ZNF672: variants seen among roughly 807,000 people sequenced by gnomAD.
ZNF672 encodes zinc finger protein 672, also known as hypothetical protein FLJ22301.
For missense variants in ZNF672, 733 were observed against 701.1 expected (o/e 1.05, Z -0.51); for synonymous variants, 358 against 305.6 (o/e 1.17, Z -1.79).
rs1162666339 is a variant in ZNF672, at chr1:248,847,515, C to T, written c.241C>T (p.His81Tyr). The change falls in exon 4 of 4, where the codon CAC becomes TAC. Residue 81 changes from histidine (H) to tyrosine (Y), a missense_variant. His to Tyr is a moderately conservative substitution (Grantham distance 83). Transcript: ENST00000306562. ...CAGTGAGTGCGGACAAAGCTTCCGC[C>T]ACAGCGGCCGTCTTGACCTACACTT... Reference protein sequence around the residue: ...ICSECGQSFRHSGRLDLHLGA... With the variant: ...ICSECGQSFRYSGRLDLHLGA... 3.1e-6 allele frequency: 5 copies of T among 1,597,982 alleles called. No homozygotes were observed. In the African/African-American group the frequency reaches 5.4e-5, roughly 17 times the overall value.
In ZNF672 at chr1:248,848,931, G is replaced by A. The variant is rs965489499; in HGVS notation, c.*298G>A. Reference sequence around the variant, plus strand: ...TGTGTGCAAGAGCCCAGGTGTTGGTGTGTCCCTTTAATGCTACTGTGCTCT... The same window carrying A: ...TGTGTGCAAGAGCCCAGGTGTTGGTATGTCCCTTTAATGCTACTGTGCTCT... On this transcript the variant is annotated 3_prime_UTR_variant, in exon 4 of 4. Coordinates refer to ENST00000306562, the MANE Select transcript of ZNF672 (RefSeq NM_024836.3). 27 of 665,620 alleles carry A rather than the reference G, an allele frequency of 4.1e-5. No homozygotes were observed. The Admixed American group carries it at 4.3e-4, about 11-fold the overall frequency. 41.2% of individuals were successfully genotyped at this position (665,620 alleles called of 1,614,324 possible). A position where few individuals can be genotyped will look rare whatever the true frequency, so the allele number is the denominator to read the frequency against.
intron 1 of ZNF672, among the ~76,000 whole-genome samples, chr1:248,844,282 T>G (rs1056524146): frequency 6.6e-6 from 1 of 152,192 alleles, no homozygotes; most frequent in African/African-American, 2.4e-5. Context: ...CTTATATACT[T>G]TATTCAACAA....
rs753468426 is a variant in ZNF672 at position 248,847,756 on chromosome 1, C to T, written c.482C>T (p.Pro161Leu). Residue 161 changes from proline (P) to leucine (L), a missense_variant, in exon 4 of 4, where the codon CCA becomes CTA. By Grantham distance (98) the Pro-to-Leu change is moderately conservative. Transcript: ENST00000306562. ...GGGACAACCTCTGACCCTGCTGCCCCACCCCACCGCTGCGCGCAGTGCCCG... is the reference window on the plus strand; with the variant it reads ...GGGACAACCTCTGACCCTGCTGCCCTACCCCACCGCTGCGCGCAGTGCCCG... ...PLGTTSDPAAPPHRCAQCPRA... is the reference protein window; with the variant it reads ...PLGTTSDPAALPHRCAQCPRA... 519 of 1,487,834 alleles carry T rather than the reference C, an allele frequency of 3.5e-4. 1 individual carries two copies. Among genetic ancestry groups the T allele is most frequent in the Admixed American group, 9.8e-4 (44 of 44,936 alleles). The allele number at this position is 1,487,834 out of a possible 1,614,324, so 92.2% of individuals were successfully genotyped here.
rs1284338933 is a variant in ZNF672, at chr1:248,847,136, A to G, written c.-139A>G. The G allele has an allele frequency of 4.2e-6, 5 of 1,177,612 alleles. No individual in the cohort carries two copies. The highest frequency in any genetic ancestry group is 4.7e-6 in the Non-Finnish European group (4 of 857,964). The allele number at this position is 1,177,612 out of a possible 1,614,324, so 72.9% of individuals were successfully genotyped here. A position where few individuals can be genotyped will look rare whatever the true frequency, so the allele number is the denominator to read the frequency against. On this transcript the variant is annotated 5_prime_UTR_variant, in exon 4 of 4. Transcript: ENST00000306562. Reference sequence around the variant, plus strand: ...CCTTAGAGAAGAACCCTGAAATCAGACCAGTTTTTGCGGCCTCCCCCTTTC... The same window carrying G: ...CCTTAGAGAAGAACCCTGAAATCAGGCCAGTTTTTGCGGCCTCCCCCTTTC...
At chr1:248,838,877 A>G (rs1043530419) in intron 1 of ZNF672, 2 of 152,186 alleles carry the variant, frequency 1.3e-5, no homozygotes, top group Non-Finnish European at 2.9e-5. Context: ...TGGCAGCGTT[A>G]AACGTTCCCC....
chr1:248,847,703 C>G lies in ZNF672; in HGVS notation c.429C>G (p.Leu143=), dbSNP rs1659199160. 1.4e-6 allele frequency: 2 copies of G among 1,461,700 alleles called. No homozygotes were observed. Among genetic ancestry groups the G allele is most frequent in the East Asian group, 2.6e-5 (1 of 39,162 alleles). The allele number at this position is 1,461,700 out of a possible 1,614,324, so 90.5% of individuals were successfully genotyped here. Residue 143 remains leucine, a synonymous_variant, in exon 4 of 4, where the codon CTC becomes CTG. Transcript: ENST00000306562. ...CARTFRQSAL[L]FHQARAHPLG... ...GCACCTTCCGGCAGAGCGCGCTGCT[C>G]TTCCACCAGGCGCGGGCGCACCCCT... is the stretch of plus-strand genomic sequence containing the variant.
In ZNF672 at chr1:248,848,802, CTA is replaced by C. The variant is rs2103031835; in HGVS notation, c.*170_*171del. The C allele has an allele frequency of 2.1e-6, 2 of 972,914 alleles. No individual in the cohort carries two copies. The highest frequency in any genetic ancestry group is 3.2e-5 in the African/African-American group (2 of 61,858). 60.3% of individuals were successfully genotyped at this position (972,914 alleles called of 1,614,324 possible). A position where few individuals can be genotyped will look rare whatever the true frequency, so the allele number is the denominator to read the frequency against. ...CTTCACGTAGCCTCCTGCCTCGCCT[CTA>C]CACCTACTACCCTGTCGGCCCTTTT... On this transcript the variant is annotated 3_prime_UTR_variant, in exon 4 of 4. Coordinates refer to ENST00000306562, the MANE Select transcript of ZNF672 (RefSeq NM_024836.3).
chr1:248,845,012 C>T (rs1318515649), intron 2 of ZNF672, among the ~76,000 whole-genome samples: 2 of 152,220 alleles, frequency 1.3e-5, no homozygotes, highest in Non-Finnish European at 2.9e-5. Context: ...CCTGTAATCC[C>T]AGCACTCTGG....
At position 248,848,094 on chromosome 1, in the gene ZNF672, C is replaced by A. The variant is rs371348856; in HGVS notation, c.820C>A (p.Arg274=). The change falls in exon 4 of 4, where the codon CGG becomes AGG. Residue 274 remains arginine, a synonymous_variant. Transcript: ENST00000306562. Reference sequence around the variant, plus strand: ...CGAGAGTTCCACGCTGCTGCGCCATCGGCGCAGCCATCAGGGCGAGCGGCC... The same window carrying A: ...CGAGAGTTCCACGCTGCTGCGCCATAGGCGCAGCCATCAGGGCGAGCGGCC... ...FSESSTLLRH[R]RSHQGERPHA... The A allele has an allele frequency of 1.9e-6, 3 of 1,549,728 alleles. No homozygotes were observed. The highest frequency in any genetic ancestry group is 2.6e-6 in the Non-Finnish European group (3 of 1,149,250).
chr1:248,847,521 G>A lies in ZNF672; in HGVS notation c.247G>A (p.Gly83Ser), dbSNP rs1166146659. 4.4e-6 allele frequency: 7 copies of A among 1,597,706 alleles called. No individual in the cohort carries two copies. Among genetic ancestry groups the A allele is most frequent in the Non-Finnish European group, 5.1e-6 (6 of 1,173,086 alleles). The change falls in exon 4 of 4, where the codon GGC (glycine) becomes AGC (serine). Residue 83 changes from glycine to serine, a missense_variant. Coordinates refer to ENST00000306562, the MANE Select transcript of ZNF672 (RefSeq NM_024836.3). ...SECGQSFRHSGRLDLHLGAHR... is the reference protein window; with the variant it reads ...SECGQSFRHSSRLDLHLGAHR... ...GTGCGGACAAAGCTTCCGCCACAGC[G>A]GCCGTCTTGACCTACACTTGGGCGC...
In ZNF672 at chr1:248,847,040, T is replaced by C. The variant is rs41308180; in HGVS notation, c.-223-12T>C. ...GCTGCTGCAGAGGCTCACAATGACC[T>C]TCTCCCCACAGGCTCACGGTGCAGG... On this transcript the variant is annotated splice_polypyrimidine_tract_variant and intron_variant, in intron 3 of 3. Coordinates refer to ENST00000306562, the MANE Select transcript of ZNF672 (RefSeq NM_024836.3). 3.6e-6 allele frequency: 2 copies of C among 554,882 alleles called. No individual in the cohort carries two copies. The highest frequency in any genetic ancestry group is 3.2e-6 in the Non-Finnish European group (1 of 312,746). 34.4% of individuals were successfully genotyped at this position (554,882 alleles called of 1,614,324 possible).
chr1:248,848,032 A>G lies in ZNF672; in HGVS notation c.758A>G (p.Lys253Arg), dbSNP rs920895884. 3 of 1,554,596 alleles carry G rather than the reference A, an allele frequency of 1.9e-6. No individual in the cohort carries two copies. Among genetic ancestry groups the G allele is most frequent in the Non-Finnish European group, 2.6e-6 (3 of 1,149,852 alleles). Reference sequence around the variant, plus strand: ...CACCAGCGCACACACACGGGCGAGAAGCCGTACGCATGTGGCGACTGTGGA... The same window carrying G: ...CACCAGCGCACACACACGGGCGAGAGGCCGTACGCATGTGGCGACTGTGGA... ...VRHQRTHTGE[K>R]PYACGDCGRC... The change falls in exon 4 of 4, where the codon AAG becomes AGG. Residue 253 changes from lysine to arginine, a missense_variant. By Grantham distance (26) the Lys-to-Arg change is conservative. Coordinates refer to ENST00000306562, the MANE Select transcript of ZNF672 (RefSeq NM_024836.3).
rs1312534255 is a variant in ZNF672, at chr1:248,847,529, T to A, written c.255T>A (p.Leu85=). 2 of 1,596,292 alleles carry A rather than the reference T, an allele frequency of 1.3e-6. No individual in the cohort carries two copies. Among genetic ancestry groups the A allele is most frequent in the Non-Finnish European group, 1.7e-6 (2 of 1,172,502 alleles). ...CGQSFRHSGR[L]DLHLGAHRQR... ...AAAGCTTCCGCCACAGCGGCCGTCT[T>A]GACCTACACTTGGGCGCACACCGGC... is the stretch of plus-strand genomic sequence containing the variant. The change falls in exon 4 of 4, where the codon CTT becomes CTA. Residue 85 remains leucine (L), a synonymous_variant. Transcript: ENST00000306562.
chr1:248,847,653 C>A lies in ZNF672; in HGVS notation c.379C>A (p.Pro127Thr). Residue 127 changes from proline (P) to threonine (T), a missense_variant, in exon 4 of 4, where the codon CCC becomes ACC. Pro to Thr is a conservative substitution (Grantham distance 38). Transcript: ENST00000306562. ...HRRRQHLPERPRRCPLCARTF... is the reference protein window; with the variant it reads ...HRRRQHLPERTRRCPLCARTF... ...GCGCCGCCAGCATCTGCCAGAGCGG[C>A]CCCGCCGCTGCCCGCTGTGCGCCCG... 6.7e-7 allele frequency: 1 copy of A among 1,502,454 alleles called. No individual in the cohort carries two copies. Among genetic ancestry groups the A allele is most frequent in the Non-Finnish European group, 8.9e-7 (1 of 1,129,738 alleles). The allele number at this position is 1,502,454 out of a possible 1,614,324, so 93.1% of individuals were successfully genotyped here. A position where few individuals can be genotyped will look rare whatever the true frequency, so the allele number is the denominator to read the frequency against.
rs1572200507 is a variant in ZNF672, at chr1:248,848,329, C to G, written c.1055C>G (p.Ser352Cys). 1 of 1,601,906 alleles carries G rather than the reference C, an allele frequency of 6.2e-7. No homozygotes were observed. ...ELCGKRFTCV[S>C]NLNVHRRNHA... is the part of the protein sequence containing the mutation. ...TGCGGCAAGCGGTTCACGTGCGTGTCCAATCTCAACGTGCATCGGCGCAAC... is the reference window on the plus strand; with the variant it reads ...TGCGGCAAGCGGTTCACGTGCGTGTGCAATCTCAACGTGCATCGGCGCAAC... Residue 352 changes from serine (S) to cysteine (C), a missense_variant, in exon 4 of 4, where the codon TCC becomes TGC. Ser to Cys is a moderately radical substitution (Grantham distance 112). Transcript: ENST00000306562.
chr1:248,848,379 T>C lies in ZNF672; in HGVS notation c.1105T>C (p.Cys369Arg). The change falls in exon 4 of 4, where the codon TGC (cysteine) becomes CGC (arginine). Residue 369 changes from cysteine to arginine, a missense_variant. Coordinates refer to ENST00000306562, the MANE Select transcript of ZNF672 (RefSeq NM_024836.3). ...RNHAGHKPHK[C>R]PECSKAFSVA... ...CCATGCCGGCCACAAGCCACACAAATGCCCCGAGTGCAGCAAGGCCTTCAG... is the reference window on the plus strand; with the variant it reads ...CCATGCCGGCCACAAGCCACACAAACGCCCCGAGTGCAGCAAGGCCTTCAG... 6 of 1,602,902 alleles carry C rather than the reference T, an allele frequency of 3.7e-6. No individual in the cohort carries two copies. Among genetic ancestry groups the C allele is most frequent in the Non-Finnish European group, 4.2e-6 (5 of 1,179,766 alleles).
At chr1:248,841,082 CAG>C (rs1474045629) in intron 1 of ZNF672, among the ~76,000 whole-genome samples, 1 of 151,738 alleles carries the variant, frequency 6.6e-6, no homozygotes, top group Non-Finnish European at 1.5e-5. Context: ...TGACTGTAGT[CAG>C]AGTACTTGTA....
chr1:248,843,746 C>CA (rs1461029548), intron 1 of ZNF672, among the ~76,000 whole-genome samples: 1 of 152,168 alleles, frequency 6.6e-6, no homozygotes, highest in Non-Finnish European at 1.5e-5. Context: ...CAATGCTAAA[C>CA]ATTATTAATG....
intron 1 of ZNF672, among the ~76,000 whole-genome samples, chr1:248,840,414 C>T (rs1294539733): frequency 6.6e-6 from 1 of 152,218 alleles, no homozygotes; most frequent in Admixed American, 6.5e-5. Context: ...TAAAGTTTTC[C>T]CATCCAGGAG....
Sources: allele counts gnomAD v4.1 joint callset (sites outside exome capture counted in the v4.1 genomes callset), GRCh38; gene constraint gnomAD v4.1.1; transcripts MANE v1.5; gene names NCBI Gene and HGNC (gene_info 2026-07-23, HGNC 2026-07-21).